C3orf33: variants seen among roughly 807,000 people sequenced by gnomAD.
C3orf33 encodes the protein mitochondrial inner membrane subdomain organizer 1, also known as AP-1 activity suppressor.
In C3orf33, 23 loss-of-function variants were observed where a neutral mutation model predicts 28.7. The ratio of observed to expected loss-of-function variants is 0.80; its 90% CI spans 0.58 to 1.13. The LOEUF (loss-of-function observed/expected upper bound fraction) is 1.13, where lower values mean the gene tolerates loss of function less well. C3orf33 is among the 50% of genes most tolerant of loss of function. The pLI, the probability that C3orf33 is intolerant of heterozygous loss-of-function variation, is 0.00. For synonymous variants in C3orf33, 119 were observed against 120.5 expected (o/e 0.99, Z 0.08); for missense variants, 327 against 353.4 (o/e 0.93, Z 0.60).
chr3:155,771,915 T>TAGAA (rs1481041147), intron 3 of C3orf33, among the ~76,000 whole-genome samples: 2 of 152,012 alleles, frequency 1.3e-5, no homozygotes, highest in East Asian at 3.9e-4. Flanking sequence ...ATCAAAAAGG[T>TAGAA]AGAACTTGGC....
In C3orf33 at chr3:155,763,438, T is replaced by C. The variant is rs781194891; in HGVS notation, c.*79A>G. On this transcript the variant is annotated 3_prime_UTR_variant, in exon 5 of 5. Coordinates refer to ENST00000340171, the MANE Select transcript of C3orf33 (RefSeq NM_001308229.2). The stretch of plus-strand genomic sequence containing the variant: ...CTTTGATCATTTGGCAAAACTTCCA[T>C]TTTGATTCAATGAAAAACGTCCATA... 81 of 1,131,002 alleles carry C rather than the reference T, an allele frequency of 7.2e-5. No homozygotes were observed. The highest frequency in any genetic ancestry group is 1.9e-4 in the Admixed American group (5 of 25,958). 70.1% of individuals were successfully genotyped at this position (1,131,002 alleles called of 1,614,324 possible). A position where few individuals can be genotyped will look rare whatever the true frequency, so the allele number is the denominator to read the frequency against.
At position 155,763,120 on chromosome 3, in the gene C3orf33, G is replaced by A. The variant is rs1190033275; in HGVS notation, c.*397C>T. ...GGAGGTTGCAGTGAGCCAAGATCACGCCATTGCACTCCAGCCTGGGCAACA... is the reference window on the plus strand; with the variant it reads ...GGAGGTTGCAGTGAGCCAAGATCACACCATTGCACTCCAGCCTGGGCAACA... On this transcript the variant is annotated 3_prime_UTR_variant, in exon 5 of 5. Transcript: ENST00000340171. 2.6e-5 allele frequency: 4 copies of A among 154,048 alleles called. No homozygotes were observed. Among genetic ancestry groups the A allele is most frequent in the South Asian group, 2.1e-4 (1 of 4,862 alleles). 9.5% of individuals were successfully genotyped at this position (154,048 alleles called of 1,614,324 possible).
At chr3:155,774,443 A>G (rs1228075596) in intron 3 of C3orf33, among the ~76,000 whole-genome samples, 2 of 152,132 alleles carry the variant, frequency 1.3e-5, no homozygotes, top group Non-Finnish European at 2.9e-5. Flanking sequence ...CAAGCAAAGA[A>G]CCAGGCCCAG....
chr3:155,770,499 C>G (rs1176285745), intron 3 of C3orf33, among the ~76,000 whole-genome samples: 1 of 152,196 alleles, frequency 6.6e-6, no homozygotes, highest in Non-Finnish European at 1.5e-5. Flanking sequence ...TCTAATGAAA[C>G]ACTATCAACC....
In C3orf33 at chr3:155,763,508, T is replaced by C. The variant is rs1750298349; in HGVS notation, c.*9A>G. ...TTGGAGAAGGTTACCTCTAGATTTC[T>C]TGACCGTTTCACCCTTTTCTACGAA... On this transcript the variant is annotated 3_prime_UTR_variant, in exon 5 of 5. Transcript: ENST00000340171. The C allele has an allele frequency of 6.8e-7, 1 of 1,470,106 alleles. No individual in the cohort carries two copies. The highest frequency in any genetic ancestry group is 9.0e-7 in the Non-Finnish European group (1 of 1,114,924). 91.1% of individuals were successfully genotyped at this position (1,470,106 alleles called of 1,614,324 possible).
chr3:155,806,177 T>C lies in C3orf33; in HGVS notation c.76A>G (p.Ile26Val), dbSNP rs1328133198. 2.7e-6 allele frequency: 4 copies of C among 1,495,946 alleles called. No individual in the cohort carries two copies. The highest frequency in any genetic ancestry group is 3.8e-4 in the Middle Eastern group (2 of 5,238). 92.7% of individuals were successfully genotyped at this position (1,495,946 alleles called of 1,614,324 possible). ...AGGTGGTCGTCTGCCCACTGCGAGA[T>C]CCGAGCCACGACGTTGGGCTCCATT... ...DGMEPNVVAR[I>V]SQWADDHLRL... The change falls in exon 1 of 5, where the codon ATC (isoleucine) becomes GTC (valine). Residue 26 changes from isoleucine to valine, a missense_variant. By Grantham distance (29) the Ile-to-Val change is conservative (BLOSUM62 3). Coordinates refer to ENST00000340171, the MANE Select transcript of C3orf33 (RefSeq NM_001308229.2).
At chr3:155,793,991 G>GT (rs112941436) in intron 2 of C3orf33, among the ~76,000 whole-genome samples, 55,265 of 148,762 alleles carry the variant, frequency 0.37, 11,508 homozygotes, top group Middle Eastern at 0.51. Context: ...TTGTTTTTTT[G>GT]TTTTTTTTGA....
At chr3:155,790,985 G>C (rs983280147) in intron 2 of C3orf33, among the ~76,000 whole-genome samples, 4 of 152,184 alleles carry the variant, frequency 2.6e-5, no homozygotes, top group African/African-American at 9.6e-5. Context: ...ACATCAATGA[G>C]GGTGGCCAAG....
intron 2 of C3orf33, 66 bp from the exon 3 acceptor site, chr3:155,775,914 C>A: frequency 1.7e-6 from 2 of 1,200,894 alleles, no homozygotes; most frequent in South Asian, 2.8e-5. Context: ...TTTAAAATGT[C>A]AAATTATCAA....
chr3:155,801,691 G>A (rs1244225603), intron 2 of C3orf33, among the ~76,000 whole-genome samples: 1 of 152,102 alleles, frequency 6.6e-6, no homozygotes, highest in Non-Finnish European at 1.5e-5. Context: ...ACAGAAAATG[G>A]AACGATAGAT....
At chr3:155,794,064 G>T (rs1215420545) in intron 2 of C3orf33, among the ~76,000 whole-genome samples, 1 of 151,588 alleles carries the variant, frequency 6.6e-6, no homozygotes, top group African/African-American at 2.4e-5. Flanking sequence ...GCTCACTGCA[G>T]CAGCTGCCTC....
At chr3:155,790,591 T>C (rs1751284313) in intron 2 of C3orf33, among the ~76,000 whole-genome samples, 1 of 152,196 alleles carries the variant, frequency 6.6e-6, no homozygotes, top group Non-Finnish European at 1.5e-5. Flanking sequence ...CTTCAACTGC[T>C]GATGCAACCC....
At chr3:155,773,645 C>A (rs2109256279) in intron 3 of C3orf33, among the ~76,000 whole-genome samples, 1 of 152,300 alleles carries the variant, frequency 6.6e-6, no homozygotes, top group South Asian at 2.1e-4. Context: ...ATATAAAAAT[C>A]ATACATGGCA....
intron 3 of C3orf33, among the ~76,000 whole-genome samples, chr3:155,772,910 T>C (rs1750635469): frequency 6.6e-6 from 1 of 151,970 alleles, no homozygotes; most frequent in African/African-American, 2.4e-5. Context: ...ACTTTCTTGT[T>C]TGATGGTGGT....
rs151108140 is a variant in C3orf33 at position 155,805,886 on chromosome 3, C to A, written c.114+253G>T. Among the ~76,000 whole-genome samples, 127 of 152,290 alleles carry A rather than the reference C, an allele frequency of 8.3e-4. 2 individuals carry two copies. In the East Asian group the frequency reaches 0.017, roughly 20 times the overall value. ...GGCTGCGTCTCACCCTTTGAGGTGC[C>A]CCCTACAGCCCAGCAAGGATCCAGA... On this transcript the variant is annotated intron_variant, in intron 1 of 4. Transcript: ENST00000340171.
intron 1 of C3orf33, among the ~76,000 whole-genome samples, chr3:155,802,883 A>C (rs1478685339): frequency 6.6e-6 from 1 of 152,236 alleles, no homozygotes; most frequent in Non-Finnish European, 1.5e-5. Context: ...ATACACACAC[A>C]TATACACACC....
At chr3:155,780,585 GATAA>G (rs1424152382) in intron 2 of C3orf33, among the ~76,000 whole-genome samples, 3 of 152,158 alleles carry the variant, frequency 2.0e-5, no homozygotes, top group South Asian at 2.1e-4. Context: ...ATAAGAACTT[GATAA>G]ATAAACTCTC....
At chr3:155,785,524 G>A (rs1430958309) in intron 2 of C3orf33, among the ~76,000 whole-genome samples, 2 of 152,038 alleles carry the variant, frequency 1.3e-5, no homozygotes, top group African/African-American at 4.8e-5. Context: ...GAACACAACA[G>A]GATGAAGTTA....
chr3:155,787,305 C>T lies in C3orf33; in HGVS notation c.175-11457G>A, dbSNP rs115331927. On this transcript the variant is annotated intron_variant, in intron 2 of 4. Coordinates refer to ENST00000340171, the MANE Select transcript of C3orf33 (RefSeq NM_001308229.2). ...CCTTGACCTGCTGGGCTCAATCGATCCTCCCACCTCAGCCTCCTGAGCAGC... is the reference window on the plus strand; with the variant it reads ...CCTTGACCTGCTGGGCTCAATCGATTCTCCCACCTCAGCCTCCTGAGCAGC... 5.4e-3 allele frequency among the ~76,000 whole-genome samples: 820 copies of T among 151,068 alleles called. 7 individuals carry two copies. Among genetic ancestry groups the T allele is most frequent in the African/African-American group, 0.019 (785 of 41,124 alleles).
Sources: gnomAD v4.1 joint callset for allele counts (sites outside exome capture counted in the v4.1 genomes callset) on GRCh38, gnomAD v4.1.1 for gene constraint, MANE v1.5 for transcripts, NCBI Gene and HGNC (gene_info 2026-07-23, HGNC 2026-07-21) for gene names.